The following TCF12 variants were observed in gnomAD, a reference collection of about 807,000 sequenced individuals.
The protein encoded by TCF12 is DNA-binding protein HTF4.
Under a neutral mutation model 86.0 loss-of-function variants are expected in TCF12, and 45 were observed. That is an observed-to-expected ratio of 0.52 (90% CI 0.41 to 0.67). The LOEUF is 0.67. TCF12 is among the 30% of genes least tolerant of loss of function. The pLI is 0.00. For missense variants in TCF12, 881 were observed against 859.9 expected (o/e 1.02, Z -0.31); for synonymous variants, 330 against 299.6 (o/e 1.10, Z -1.05).
intron 3 of TCF12, among the ~76,000 whole-genome samples, chr15:57,027,458 G>A (rs1388061218): frequency 2.0e-5 from 3 of 152,078 alleles, no homozygotes; most frequent in African/African-American, 7.2e-5. Context: ...TTGGCCATTC[G>A]TTCGTTGATG....
chr15:56,959,149 A>G (rs1021687041), intron 3 of TCF12, among the ~76,000 whole-genome samples: 47 of 152,272 alleles, frequency 3.1e-4, no homozygotes, highest in Admixed American at 2.6e-4. Flanking sequence ...CTTAGGTCCA[A>G]CACAGTGTCT....
At chr15:57,281,449 G>T (rs1359259984) in intron 19 of TCF12, among the ~76,000 whole-genome samples, 1 of 152,204 alleles carries the variant, frequency 6.6e-6, no homozygotes, top group Non-Finnish European at 1.5e-5. Flanking sequence ...CTATAGAAGA[G>T]GGGTCCCCAA....
intron 4 of TCF12, among the ~76,000 whole-genome samples, chr15:57,091,225 A>G (rs927170444): frequency 3.3e-5 from 5 of 152,074 alleles, no homozygotes; most frequent in Non-Finnish European, 5.9e-5. Context: ...TTTTTGTTGA[A>G]TATTTGCCAT....
chr15:57,118,278 A>G (rs1293557541), intron 5 of TCF12: 1 of 152,200 alleles, frequency 6.6e-6, no homozygotes, highest in Non-Finnish European at 1.5e-5. Context: ...GCAGTGATTC[A>G]TTAGGAAAGA....
At chr15:57,256,629 A>G (rs1324514345) in intron 16 of TCF12, among the ~76,000 whole-genome samples, 4 of 140,672 alleles carry the variant, frequency 2.8e-5, no homozygotes, top group East Asian at 2.1e-4. Context: ...CGGAATTAAC[A>G]TAAGTTAGTA....
intron 3 of TCF12, among the ~76,000 whole-genome samples, chr15:57,013,380 G>A (rs1485206928): frequency 1.3e-5 from 2 of 152,120 alleles, no homozygotes; most frequent in Admixed American, 1.3e-4. Context: ...GCACGATCCC[G>A]GCTAACTGCA....
intron 12 of TCF12, among the ~76,000 whole-genome samples, chr15:57,242,031 T>G (rs2733323): frequency 0.66 from 99,043 of 149,032 alleles, 34,593 homozygotes; most frequent in Non-Finnish European, 0.8. Flanking sequence ...GTGACTTGTA[T>G]AGTTTTGTTG....
At chr15:57,028,329 A>G (rs2065945807) in intron 3 of TCF12, among the ~76,000 whole-genome samples, 2 of 151,982 alleles carry the variant, frequency 1.3e-5, no homozygotes. Context: ...AAATGTACTA[A>G]TAAACACATG....
chr15:56,954,564 G>A (rs2061420250), intron 3 of TCF12, among the ~76,000 whole-genome samples: 1 of 152,166 alleles, frequency 6.6e-6, no homozygotes, highest in Non-Finnish European at 1.5e-5. Flanking sequence ...AGCCAAAGTA[G>A]ACAAATGGGA....
At chr15:57,039,466 G>A (rs780622385) in intron 3 of TCF12, among the ~76,000 whole-genome samples, 1 of 152,092 alleles carries the variant, frequency 6.6e-6, no homozygotes, top group Non-Finnish European at 1.5e-5. Context: ...TATATTTTCT[G>A]ACCATTTGTG....
intron 3 of TCF12, among the ~76,000 whole-genome samples, chr15:56,967,157 A>G (rs1321633198): frequency 6.7e-6 from 1 of 149,762 alleles, no homozygotes; most frequent in Admixed American, 6.7e-5. Context: ...AAAAAAAAAT[A>G]TTAAGTTGAC....
intron 3 of TCF12, among the ~76,000 whole-genome samples, chr15:56,971,877 T>G (rs191929816): frequency 1.3e-5 from 2 of 152,306 alleles, no homozygotes; most frequent in East Asian, 3.9e-4. Context: ...GAAAGTAGAT[T>G]AGTGGTTACC....
chr15:57,279,723 T>C (rs2061591542), intron 19 of TCF12, among the ~76,000 whole-genome samples: 1 of 152,148 alleles, frequency 6.6e-6, no homozygotes, highest in Non-Finnish European at 1.5e-5. Flanking sequence ...AGAGTCATAG[T>C]TGGCTAAGAG....
chr15:57,055,231 A>G lies in TCF12; in HGVS notation c.149-8519A>G, dbSNP rs913665779. Reference sequence around the variant, plus strand: ...AGCCTGGCCAACATAGTGAAACCCTATCTCTACTGAAAACACAAAAATTAG... The same window carrying G: ...AGCCTGGCCAACATAGTGAAACCCTGTCTCTACTGAAAACACAAAAATTAG... On this transcript the variant is annotated intron_variant, in intron 3 of 20. Transcript: ENST00000333725. 4.6e-5 allele frequency among the ~76,000 whole-genome samples: 7 copies of G among 151,988 alleles called. No homozygotes were observed. In the South Asian group the frequency reaches 1.0e-3, roughly 23 times the overall value.
In TCF12 at chr15:56,958,678, AGTGTGTGTGTGTGTGTGTGTGT is replaced by A. The variant is rs55707134; in HGVS notation, c.148+37596_148+37617del. Among the ~76,000 whole-genome samples the A allele has an allele frequency of 3.5e-5, 5 of 142,176 alleles. No homozygotes were observed. The South Asian group carries it at 1.1e-3, about 32-fold the overall frequency. 93.3% of individuals were successfully genotyped at this position (142,176 alleles called of 152,430 possible). A position where few individuals can be genotyped will look rare whatever the true frequency, so the allele number is the denominator to read the frequency against. ...ATATGAGAAAGAGAGAGAGAGAGAG[AGTGTGTGTGTGTGTGTGTGTGT>A]GTGTGTGTGTGTGTGAAGTGCAATA... On this transcript the variant is annotated intron_variant, in intron 3 of 20. Transcript: ENST00000333725.
At chr15:57,223,658 T>G (rs979377976) in intron 8 of TCF12, among the ~76,000 whole-genome samples, 1 of 142,636 alleles carries the variant, frequency 7.0e-6, no homozygotes, top group African/African-American at 2.6e-5. Flanking sequence ...TTTTTTTTTT[T>G]TTTTTTTTTT....
chr15:57,075,594 G>C (rs1437659550), intron 4 of TCF12, among the ~76,000 whole-genome samples: 5 of 152,070 alleles, frequency 3.3e-5, no homozygotes, highest in African/African-American at 7.2e-5. Flanking sequence ...TCCAGAAATA[G>C]AAGGAATATT....
intron 5 of TCF12, among the ~76,000 whole-genome samples, chr15:57,114,856 T>C (rs1476978713): frequency 6.6e-6 from 1 of 152,134 alleles, no homozygotes; most frequent in Non-Finnish European, 1.5e-5. Context: ...CATTAAGAAA[T>C]ATATATTGAA....
chr15:57,255,552 C>T (rs549197536), intron 16 of TCF12, among the ~76,000 whole-genome samples: 13 of 152,196 alleles, frequency 8.5e-5, no homozygotes, highest in African/African-American at 2.9e-4. Context: ...GCCGTGATCT[C>T]GGCTCACTGC....
Sources: gnomAD v4.1 joint callset for allele counts (sites outside exome capture counted in the v4.1 genomes callset) on GRCh38, gnomAD v4.1.1 for gene constraint, MANE v1.5 for transcripts, NCBI Gene and HGNC (gene_info 2026-07-23, HGNC 2026-07-21) for gene names.